Variants in ARL14EPL observed in about 807,000 individuals in gnomAD.
The protein encoded by ARL14EPL is ARL14 effector protein-like.
In ARL14EPL, 17 loss-of-function variants were observed where a neutral mutation model predicts 15.9. That is an observed-to-expected ratio of 1.07 (90% CI 0.73 to 1.60). ARL14EPL has a LOEUF of 1.60. Among genes scored for constraint, ARL14EPL ranks in the 40% most tolerant of loss-of-function variants. ARL14EPL has a pLI of 0.00. For synonymous variants in ARL14EPL, 78 were observed against 63.8 expected (o/e 1.22, Z -1.06); for missense variants, 214 against 185.9 (o/e 1.15, Z -0.88).
At chr5:116,050,816 T>TCTCTCTC (rs1561579525) in intron 1 of ARL14EPL, among the ~76,000 whole-genome samples, 13 of 81,562 alleles carry the variant, frequency 1.6e-4, no homozygotes, top group African/African-American at 5.1e-4. Context: ...CTCTCTCTCT[T>TCTCTCTC]ACACACACAC....
At chr5:116,045,680 T>A (rs962352421) in intron 1 of ARL14EPL, among the ~76,000 whole-genome samples, 1 of 152,138 alleles carries the variant, frequency 6.6e-6, no homozygotes, top group Non-Finnish European at 1.5e-5. Context: ...CTCTGCTGAG[T>A]GCACTTTCAA....
At chr5:116,050,529 C>G (rs1328594838) in intron 1 of ARL14EPL, among the ~76,000 whole-genome samples, 1 of 152,122 alleles carries the variant, frequency 6.6e-6, no homozygotes, top group African/African-American at 2.4e-5. Flanking sequence ...GGAGATTTCC[C>G]ACTGATAGAA....
intron 2 of ARL14EPL, chr5:116,052,066 A>G (rs1580416154): frequency 1.2e-6 from 2 of 1,613,290 alleles, no homozygotes; most frequent in South Asian, 2.2e-5. Flanking sequence ...TCAGTCTCTC[A>G]GAGACCACAG....
Position 116,054,067 on chromosome 5 carries a change from G to A in ARL14EPL, c.150G>A (p.Gln50=). ...KCLAFRNPGP[Q]VADFNPETRQ... ...TGGCATTTCGAAACCCTGGACCACA[G>A]GTAGCAGACTTTAATCCTGAAACAA... The change falls in exon 3 of 4, where the codon CAG becomes CAA. Residue 50 remains glutamine, a synonymous_variant. Transcript: ENST00000686077. 6.5e-7 allele frequency: 1 copy of A among 1,535,712 alleles called. No homozygotes were observed. Among genetic ancestry groups the A allele is most frequent in the Non-Finnish European group, 8.7e-7 (1 of 1,146,692 alleles).
In ARL14EPL at chr5:116,054,864, A is replaced by G. The variant is rs572374538; in HGVS notation, c.236+711A>G. 5.3e-5 allele frequency among the ~76,000 whole-genome samples: 8 copies of G among 151,358 alleles called. No individual in the cohort carries two copies. In the East Asian group the frequency reaches 1.2e-3, roughly 22 times the overall value. On this transcript the variant is annotated intron_variant, in intron 3 of 3. Coordinates refer to ENST00000686077, the MANE Select transcript of ARL14EPL (RefSeq NM_001195581.2). ...AATAAATAAATAAATAAAATAAAAA[A>G]TAATAAACTAAGAAAACTATAAAGG...
intron 3 of ARL14EPL, among the ~76,000 whole-genome samples, chr5:116,055,748 T>G (rs1749502071): frequency 6.6e-6 from 1 of 152,136 alleles, no homozygotes; most frequent in Non-Finnish European, 1.5e-5. Flanking sequence ...ACTGCACCCA[T>G]TAACTCCTCA....
At chr5:116,037,807 T>C (rs1749074688) in intron 1 of ARL14EPL, among the ~76,000 whole-genome samples, 1 of 152,256 alleles carries the variant, frequency 6.6e-6, no homozygotes, top group South Asian at 2.1e-4. Flanking sequence ...ACTATCTAAC[T>C]GTTTTCTTAC....
chr5:116,044,127 C>T (rs1463204429), intron 1 of ARL14EPL, among the ~76,000 whole-genome samples: 1 of 152,116 alleles, frequency 6.6e-6, no homozygotes, highest in Non-Finnish European at 1.5e-5. Flanking sequence ...TATTCTGGGA[C>T]CACCTTAGGA....
Position 116,042,916 on chromosome 5 carries a change from A to G in ARL14EPL, c.-9-8541A>G, listed in dbSNP as rs115373647. On this transcript the variant is annotated intron_variant, in intron 1 of 3. Transcript: ENST00000686077. Reference sequence around the variant, plus strand: ...TTAAATTTAACAATATATTTTGGAAATTGTCTTATATAACTCTATAGAGAT... The same window carrying G: ...TTAAATTTAACAATATATTTTGGAAGTTGTCTTATATAACTCTATAGAGAT... 2.9e-3 allele frequency among the ~76,000 whole-genome samples: 443 copies of G among 152,180 alleles called. 2 individuals carry two copies. The highest frequency in any genetic ancestry group is 1.2e-3 in the Non-Finnish European group (81 of 68,012).
chr5:116,041,256 T>C (rs1749152143), intron 1 of ARL14EPL, among the ~76,000 whole-genome samples: 1 of 152,158 alleles, frequency 6.6e-6, no homozygotes, highest in African/African-American at 2.4e-5. Context: ...AAACGTATAA[T>C]GGCATATATC....
intron 2 of ARL14EPL, chr5:116,052,379 G>A (rs961511547): frequency 2.6e-6 from 2 of 757,090 alleles, no homozygotes; most frequent in Non-Finnish European, 4.7e-6. Context: ...CCTTTATTTT[G>A]TTATTATTAT....
chr5:116,048,686 G>A (rs1377979790), intron 1 of ARL14EPL, among the ~76,000 whole-genome samples: 1 of 152,078 alleles, frequency 6.6e-6, no homozygotes, highest in Non-Finnish European at 1.5e-5. Context: ...ACTCGAGTGG[G>A]ATCCCTCGAC....
chr5:116,049,096 G>A (rs929078896), intron 1 of ARL14EPL, among the ~76,000 whole-genome samples: 2 of 152,216 alleles, frequency 1.3e-5, no homozygotes, highest in African/African-American at 4.8e-5. Context: ...CCATCATAAA[G>A]TCAAAAAGTT....
intron 1 of ARL14EPL, among the ~76,000 whole-genome samples, chr5:116,047,479 C>A (rs1749295349): frequency 6.6e-6 from 1 of 152,218 alleles, no homozygotes; most frequent in Non-Finnish European, 1.5e-5. Context: ...ATGACTCTTT[C>A]TGAGCCTTGG....
intron 1 of ARL14EPL, among the ~76,000 whole-genome samples, chr5:116,040,152 A>G (rs754848636): frequency 6.6e-6 from 1 of 152,132 alleles, no homozygotes; most frequent in South Asian, 2.1e-4. Context: ...GTCTTTCCTT[A>G]GAATAAATTT....
chr5:116,056,963 A>C (rs1749531154), intron 3 of ARL14EPL, among the ~76,000 whole-genome samples: 1 of 152,208 alleles, frequency 6.6e-6, no homozygotes, highest in Non-Finnish European at 1.5e-5. Context: ...CCTGGCAGAG[A>C]CACAACAAAA....
At chr5:116,054,505 A>C (rs1261815018) in intron 3 of ARL14EPL, among the ~76,000 whole-genome samples, 1 of 152,228 alleles carries the variant, frequency 6.6e-6, no homozygotes, top group Admixed American at 6.5e-5. Context: ...ACTATCATCA[A>C]GTACAATGAT....
chr5:116,040,777 T>A (rs1368150310), intron 1 of ARL14EPL, among the ~76,000 whole-genome samples: 1 of 148,354 alleles, frequency 6.7e-6, no homozygotes, highest in Non-Finnish European at 1.5e-5. Flanking sequence ...GAGACCATCC[T>A]GGCTAACACG....
intron 3 of ARL14EPL, among the ~76,000 whole-genome samples, 152 bp from the exon 4 acceptor site, chr5:116,058,573 G>T (rs1462224333): frequency 1.3e-5 from 2 of 152,224 alleles, no homozygotes; most frequent in East Asian, 1.9e-4. Context: ...AATCCCTGGA[G>T]TTCTGGTCCA....
Sources: allele counts gnomAD v4.1 joint callset (sites outside exome capture counted in the v4.1 genomes callset), GRCh38; gene constraint gnomAD v4.1.1; transcripts MANE v1.5; gene names NCBI Gene and HGNC (gene_info 2026-07-23, HGNC 2026-07-21).